LINGO1: variants seen among roughly 807,000 people sequenced by gnomAD.
The protein encoded by LINGO1 is leucine-rich repeat and immunoglobulin-like domain-containing nogo receptor-interacting protein 1.
Under a neutral mutation model 37.3 loss-of-function variants are expected in LINGO1, and 11 were observed. That is an observed-to-expected ratio of 0.29 (90% CI 0.19 to 0.49). The LOEUF is 0.49. Among genes scored for constraint, LINGO1 ranks in the 20% least tolerant of loss-of-function variants. The pLI, the probability that LINGO1 is intolerant of heterozygous loss-of-function variation, is 0.99. For missense variants in LINGO1, 585 were observed against 878.2 expected (o/e 0.67, Z 4.22); for synonymous variants, 387 against 403.0 (o/e 0.96, Z 0.48).
At chr15:77,812,824 A>T (rs2077016916) in intron 1 of LINGO1, among the ~76,000 whole-genome samples, 1 of 152,238 alleles carries the variant, frequency 6.6e-6, no homozygotes, top group Non-Finnish European at 1.5e-5. Context: ...CCATCCTGGC[A>T]CAGCCATCAG....
intron 1 of LINGO1, among the ~76,000 whole-genome samples, chr15:77,772,267 A>G (rs1321113325): frequency 6.6e-6 from 1 of 152,174 alleles, no homozygotes; most frequent in Non-Finnish European, 1.5e-5. Context: ...ATGAAGTGCT[A>G]AGAGTATGGA....
chr15:77,708,155 G>A (rs2075875200), intron 2 of LINGO1, among the ~76,000 whole-genome samples: 2 of 152,242 alleles, frequency 1.3e-5, no homozygotes, highest in African/African-American at 4.8e-5. Context: ...CATCAAGGAA[G>A]CTGGTAATTG....
At chr15:77,797,941 AT>A (rs1208671652) in intron 1 of LINGO1, among the ~76,000 whole-genome samples, 1 of 152,206 alleles carries the variant, frequency 6.6e-6, no homozygotes, top group African/African-American at 2.4e-5. Flanking sequence ...GTCTTCATAT[AT>A]TATGGGCTGC....
chr15:77,743,738 A>C (rs1462963263), intron 1 of LINGO1, among the ~76,000 whole-genome samples: 5 of 152,018 alleles, frequency 3.3e-5, no homozygotes, highest in Non-Finnish European at 7.4e-5. Flanking sequence ...AGGGATGCTG[A>C]AGATTTGCCT....
intron 1 of LINGO1, among the ~76,000 whole-genome samples, chr15:77,622,212 G>A (rs2073944119): frequency 6.6e-6 from 1 of 152,158 alleles, no homozygotes; most frequent in Non-Finnish European, 1.5e-5. Flanking sequence ...GAGAGGGAAA[G>A]AGAGAGAAAC....
chr15:77,739,881 A>T (rs532141898), intron 1 of LINGO1, among the ~76,000 whole-genome samples: 1 of 152,184 alleles, frequency 6.6e-6, no homozygotes, highest in Non-Finnish European at 1.5e-5. Context: ...CCTCCCCCCA[A>T]TGCATCAGCC....
chr15:77,702,000 C>A (rs2075789777), intron 2 of LINGO1, among the ~76,000 whole-genome samples: 1 of 152,140 alleles, frequency 6.6e-6, no homozygotes, highest in Admixed American at 6.5e-5. Flanking sequence ...ACCCAAGCCA[C>A]CTGGGGGCTG....
intron 1 of LINGO1, among the ~76,000 whole-genome samples, chr15:77,799,827 T>C (rs1310059012): frequency 1.3e-5 from 2 of 151,968 alleles, no homozygotes; most frequent in East Asian, 3.9e-4. Flanking sequence ...GGGATGGGGC[T>C]GTATTGAGAG....
At chr15:77,766,695 G>C (rs2076533685) in intron 1 of LINGO1, among the ~76,000 whole-genome samples, 1 of 152,150 alleles carries the variant, frequency 6.6e-6, no homozygotes, top group Non-Finnish European at 1.5e-5. Flanking sequence ...GAAGAAGGTT[G>C]ACTTCCGCCA....
Position 77,751,396 on chromosome 15 carries a change from C to T in LINGO1, c.-256-16343G>A, listed in dbSNP as rs776937119. ...TGCTCCTACTATTATCTACCTTGCC[C>T]GTGGGGTTCACGAGTCACAGGTATG... On this transcript the variant is annotated intron_variant, in intron 1 of 3. Transcript: ENST00000561686. Among the ~76,000 whole-genome samples the T allele has an allele frequency of 6.6e-5, 10 of 152,176 alleles. No homozygotes were observed. In the East Asian group the frequency reaches 7.7e-4, roughly 12 times the overall value.
chr15:77,669,878 T>C (rs976865391), intron 3 of LINGO1, among the ~76,000 whole-genome samples: 39 of 152,120 alleles, frequency 2.6e-4, no homozygotes, highest in African/African-American at 9.2e-4. Context: ...CCCAGGAAAA[T>C]TGAAAACACT....
intron 2 of LINGO1, among the ~76,000 whole-genome samples, chr15:77,706,409 C>A (rs2075853032): frequency 6.6e-6 from 1 of 152,204 alleles, no homozygotes; most frequent in African/African-American, 2.4e-5. Flanking sequence ...TAGGTCCCTT[C>A]CCTGCTTAAA....
At chr15:77,634,873 GCCAGGCA>G (rs1185675974), upstream of LINGO1, among the ~76,000 whole-genome samples, 1 of 151,910 alleles carries the variant, frequency 6.6e-6, no homozygotes, top group Non-Finnish European at 1.5e-5. Flanking sequence ...TAAAGGCTCC[GCCAGGCA>G]CCCGGCGGGC....
rs34904447 is a variant in LINGO1 at position 77,615,022 on chromosome 15, G to T, written c.885C>A (p.Ser295=). ...CCTCAATGGTGCTGATGGGGTTGTA[G>T]GAGAGGTTGAGGAAGCGGAGATAGA... The part of the protein sequence containing the change: ...HLVYLRFLNL[S]YNPISTIEGS... Residue 295 remains serine, a synonymous_variant, in exon 2 of 2, where the codon TCC becomes TCA. Transcript: ENST00000355300. The T allele has an allele frequency of 6.2e-7, 1 of 1,613,942 alleles. No individual in the cohort carries two copies. Among genetic ancestry groups the T allele is most frequent in the Admixed American group, 1.7e-5 (1 of 60,004 alleles).
intron 3 of LINGO1, among the ~76,000 whole-genome samples, chr15:77,664,170 T>TGCGCGCGCGCGCGCGCGC (rs143405934): frequency 3.8e-5 from 5 of 130,942 alleles, no homozygotes; most frequent in African/African-American, 1.1e-4. Flanking sequence ...TGTGTGTGTG[T>TGCGCGCGCGCGCGCGCGC]GCGCGCGCGC....
chr15:77,794,561 T>TACAC (rs761678894), intron 2 of LINGO1, among the ~76,000 whole-genome samples: 2 of 107,614 alleles, frequency 1.9e-5, no homozygotes, highest in Admixed American at 1.1e-4. Context: ...TGTGTATATA[T>TACAC]ACACACACAC....
At chr15:77,743,310 C>T (rs2076283268) in intron 1 of LINGO1, among the ~76,000 whole-genome samples, 1 of 152,136 alleles carries the variant, frequency 6.6e-6, no homozygotes, top group Admixed American at 6.5e-5. Context: ...AGGGGCAGGG[C>T]AGAGGGGACA....
intron 3 of LINGO1, among the ~76,000 whole-genome samples, chr15:77,651,179 C>T (rs2074751542): frequency 6.6e-6 from 1 of 152,226 alleles, no homozygotes; most frequent in Non-Finnish European, 1.5e-5. Context: ...TAGCTGTGAG[C>T]TTGCTGTCTG....
chr15:77,776,550 G>GC (rs2076655895), intron 1 of LINGO1, among the ~76,000 whole-genome samples: 14 of 44,932 alleles, frequency 3.1e-4, no homozygotes, highest in African/African-American at 7.7e-4. Flanking sequence ...GGGAGGGAGG[G>GC]AGGGAGGGAG....
Sources: gnomAD v4.1 joint callset for allele counts (sites outside exome capture counted in the v4.1 genomes callset) on GRCh38, gnomAD v4.1.1 for gene constraint, MANE v1.5 for transcripts, NCBI Gene and HGNC (gene_info 2026-07-23, HGNC 2026-07-21) for gene names.